CD300LG: variants seen among roughly 807,000 people sequenced by gnomAD.
CD300LG encodes the protein CD300 molecule like family member g.
Under a neutral mutation model 31.5 loss-of-function variants are expected in CD300LG, and 29 were observed. That is an observed-to-expected ratio of 0.92 (90% CI 0.68 to 1.25). The LOEUF is 1.25. CD300LG is among the 50% of genes most tolerant of loss of function. CD300LG has a pLI of 0.00. For missense variants in CD300LG, 396 were observed against 417.6 expected (o/e 0.95, Z 0.45); for synonymous variants, 175 against 177.2 (o/e 0.99, Z 0.10).
chr17:43,859,392 C>T (rs999185477), intron 6 of CD300LG, among the ~76,000 whole-genome samples: 5 of 152,188 alleles, frequency 3.3e-5, no homozygotes, highest in African/African-American at 7.2e-5. Flanking sequence ...CCAGAAAATG[C>T]CTCCATGCTT....
At chr17:43,855,993 G>A (rs2046508917) in intron 5 of CD300LG, among the ~76,000 whole-genome samples, 1 of 152,168 alleles carries the variant, frequency 6.6e-6, no homozygotes, top group Non-Finnish European at 1.5e-5. Flanking sequence ...CCAGGCTGGA[G>A]TGCAGTGGTG....
rs772294550 is a variant in CD300LG at position 43,848,581 on chromosome 17, G to A, written c.67G>A (p.Glu23Lys). The A allele has an allele frequency of 3.7e-6, 6 of 1,613,968 alleles. No individual in the cohort carries two copies. In the African/African-American group the frequency reaches 4.0e-5, roughly 11 times the overall value. Reference protein sequence around the residue: ...LPGYEALEGPEEISGFEGDTV... With the variant: ...LPGYEALEGPKEISGFEGDTV... ...AGGTTATGAAGCCCTGGAGGGCCCA[G>A]AGGAAATCAGCGGGTTCGAAGGGGA... Residue 23 changes from glutamate to lysine, a missense_variant, in exon 2 of 7, where the codon GAG becomes AAG. Glu to Lys is a moderately conservative substitution (Grantham distance 56, BLOSUM62 1). Coordinates refer to ENST00000317310, the MANE Select transcript of CD300LG (RefSeq NM_145273.4).
chr17:43,861,160 G>A, intron 6 of CD300LG: 1 of 985,364 alleles, frequency 1.0e-6, no homozygotes, highest in Non-Finnish European at 1.2e-6. Context: ...GGGACCCAGA[G>A]GACGCTGTGA....
intron 5 of CD300LG, 48 bp from the exon 6 acceptor site, chr17:43,857,056 C>T: frequency 1.2e-6 from 2 of 1,603,366 alleles, no homozygotes; most frequent in Admixed American, 1.7e-5. Context: ...CAGGCCACTC[C>T]CGGCTACTCC....
At chr17:43,857,556 G>C (rs1041804314) in intron 6 of CD300LG, 7 of 1,370,564 alleles carry the variant, frequency 5.1e-6, no homozygotes, top group African/African-American at 1.4e-5. Context: ...CTTTCAGAAC[G>C]CCCAGGGGTC....
intron 4 of CD300LG, among the ~76,000 whole-genome samples, chr17:43,854,782 T>A (rs1775431342): frequency 6.6e-6 from 1 of 152,144 alleles, no homozygotes; most frequent in Non-Finnish European, 1.5e-5. Flanking sequence ...CACTCCTACC[T>A]AGTTATACAG....
At chr17:43,850,644 G>T (rs1217451845) in intron 2 of CD300LG, among the ~76,000 whole-genome samples, 2 of 150,772 alleles carry the variant, frequency 1.3e-5, no homozygotes, top group Non-Finnish European at 2.9e-5. Flanking sequence ...CTACATTTTG[G>T]TTTTTTGTTT....
intron 1 of CD300LG, 92 bp from the exon 2 acceptor site, chr17:43,848,466 C>A: frequency 9.6e-7 from 1 of 1,044,194 alleles, no homozygotes; most frequent in Non-Finnish European, 1.4e-6. Context: ...CTGAGAAAAG[C>A]CTTCCTTCTT....
At chr17:43,853,576 CAGAA>C (rs1384487799) in intron 3 of CD300LG, among the ~76,000 whole-genome samples, 1 of 152,108 alleles carries the variant, frequency 6.6e-6, no homozygotes, top group Non-Finnish European at 1.5e-5. Flanking sequence ...GCTGTGGGCA[CAGAA>C]AGAGACTGAA....
In CD300LG at chr17:43,848,661, C is replaced by T. The variant is rs1314943743; in HGVS notation, c.147C>T (p.Tyr49=). 6.2e-7 allele frequency: 1 copy of T among 1,614,026 alleles called. No homozygotes were observed. Among genetic ancestry groups the T allele is most frequent in the Non-Finnish European group, 8.5e-7 (1 of 1,180,032 alleles). Residue 49 remains tyrosine (Y), a synonymous_variant, in exon 2 of 7, where the codon TAC becomes TAT. Coordinates refer to ENST00000317310, the MANE Select transcript of CD300LG (RefSeq NM_145273.4). The stretch of plus-strand genomic sequence containing the variant: ...AAGAGCTGAGGGACCACCGGAAGTA[C>T]TGGTGCAGGAAGGGTGGGATCCTCT... The part of the protein sequence containing the change: ...YREELRDHRK[Y]WCRKGGILFS...
chr17:43,862,620 C>T lies in CD300LG; in HGVS notation c.*709C>T, dbSNP rs1383306308. On this transcript the variant is annotated 3_prime_UTR_variant, in exon 7 of 7. Transcript: ENST00000317310. ...GTCTGCATTTGGGCTGTGACGTCTC[C>T]CACCTGCCCCAATAAGATCTGCTCT... 5.3e-5 allele frequency: 8 copies of T among 152,260 alleles called. No homozygotes were observed. Among genetic ancestry groups the T allele is most frequent in the Non-Finnish European group, 1.2e-4 (8 of 68,092 alleles). 9.4% of individuals were successfully genotyped at this position (152,260 alleles called of 1,614,324 possible).
In CD300LG at chr17:43,855,333, G is replaced by T; in HGVS notation, c.832+14G>T. The T allele has an allele frequency of 6.6e-7, 1 of 1,509,822 alleles. No individual in the cohort carries two copies. The highest frequency in any genetic ancestry group is 8.9e-7 in the Non-Finnish European group (1 of 1,126,576). The allele number at this position is 1,509,822 out of a possible 1,614,324, so 93.5% of individuals were successfully genotyped here. A position where few individuals can be genotyped will look rare whatever the true frequency, so the allele number is the denominator to read the frequency against. Reference sequence around the variant, plus strand: ...GGAGAAAGGAAGGTGAGCAAAGGTGGGCGGCAGGAAGGCGGGAGGCTCACT... The same window carrying T: ...GGAGAAAGGAAGGTGAGCAAAGGTGTGCGGCAGGAAGGCGGGAGGCTCACT... On this transcript the variant is annotated intron_variant, in intron 5 of 6. Coordinates refer to ENST00000317310, the MANE Select transcript of CD300LG (RefSeq NM_145273.4).
intron 6 of CD300LG, chr17:43,858,622 G>A: frequency 1.0e-6 from 1 of 985,460 alleles, no homozygotes; most frequent in Non-Finnish European, 1.2e-6. Flanking sequence ...TCCCAAGAGG[G>A]TCAGAGGCAA....
Position 43,855,247 on chromosome 17 carries a change from G to A in CD300LG, c.760G>A (p.Val254Met), listed in dbSNP as rs1472719796. 6 of 1,610,338 alleles carry A rather than the reference G, an allele frequency of 3.7e-6. No individual in the cohort carries two copies. Among genetic ancestry groups the A allele is most frequent in the African/African-American group, 1.3e-5 (1 of 74,956 alleles). Reference protein sequence around the residue: ...PMVRILAPVLVLLSLLSAAGL... With the variant: ...PMVRILAPVLMLLSLLSAAGL... ...GGTCCGCATACTGGCCCCAGTCCTGGTGCTGCTGAGCCTTCTGTCAGCCGC... is the reference window on the plus strand; with the variant it reads ...GGTCCGCATACTGGCCCCAGTCCTGATGCTGCTGAGCCTTCTGTCAGCCGC... Residue 254 changes from valine (V) to methionine (M), a missense_variant, in exon 5 of 7, where the codon GTG (valine) becomes ATG (methionine). Coordinates refer to ENST00000317310, the MANE Select transcript of CD300LG (RefSeq NM_145273.4).
chr17:43,855,428 G>A (rs2046490978), intron 5 of CD300LG, 109 bp downstream of exon 5: 2 of 592,886 alleles, frequency 3.4e-6, no homozygotes, highest in Non-Finnish European at 5.6e-6. Context: ...GTCTCAGCGT[G>A]TCTGTCTGAG....
chr17:43,855,418 G>C, intron 5 of CD300LG, 99 bp downstream of exon 5: 1 of 623,940 alleles, frequency 1.6e-6, no homozygotes, highest in South Asian at 2.5e-5. Context: ...GACCCTGTGG[G>C]TCTCAGCGTG....
intron 6 of CD300LG, chr17:43,858,027 AGCCCCTCCTG>A: frequency 6.9e-7 from 1 of 1,451,476 alleles, no homozygotes; most frequent in Non-Finnish European, 9.0e-7. Context: ...AGGCAACAGA[AGCCCCTCCTG>A]GCCCCTCCTC....
chr17:43,848,098 C>A (rs540993921), intron 1 of CD300LG, among the ~76,000 whole-genome samples: 1 of 152,082 alleles, frequency 6.6e-6, no homozygotes, highest in Non-Finnish European at 1.5e-5. Context: ...AAAAATTAGC[C>A]GGGCATGGCA....
chr17:43,851,221 A>C (rs1335613523), intron 2 of CD300LG, among the ~76,000 whole-genome samples: 1 of 152,026 alleles, frequency 6.6e-6, no homozygotes, highest in Non-Finnish European at 1.5e-5. Flanking sequence ...AGATTTGATC[A>C]TCTACTTAGA....
Sources: gnomAD v4.1 joint callset for allele counts (sites outside exome capture counted in the v4.1 genomes callset) on GRCh38, gnomAD v4.1.1 for gene constraint, MANE v1.5 for transcripts, NCBI Gene and HGNC (gene_info 2026-07-23, HGNC 2026-07-21) for gene names.